NGLY1: variants seen among roughly 807,000 people sequenced by gnomAD.
The protein encoded by NGLY1 is N-glycanase 1, also known as peptide-N(4)-(N-acetyl-beta-glucosaminyl)asparagine amidase.
Under a neutral mutation model 84.6 loss-of-function variants are expected in NGLY1, and 68 were observed. The observed-to-expected ratio is 0.80, with a 90% CI of 0.66 to 0.98. NGLY1 has a LOEUF of 0.98. Ranked by LOEUF, NGLY1 falls within the 50% of genes least tolerant of loss-of-function variation. The pLI is 0.00. For synonymous variants in NGLY1, 280 were observed against 275.2 expected (o/e 1.02, Z -0.17); for missense variants, 779 against 770.2 (o/e 1.01, Z -0.14).
chr3:25,770,657 AG>A (rs1707847065), intron 2 of NGLY1, among the ~76,000 whole-genome samples: 2 of 152,190 alleles, frequency 1.3e-5, no homozygotes, highest in African/African-American at 4.8e-5. Context: ...TGTTTTCCAT[AG>A]GGGTCATACT....
At chr3:25,746,163 CTG>C (rs1706415801) in intron 4 of NGLY1, among the ~76,000 whole-genome samples, 1 of 152,172 alleles carries the variant, frequency 6.6e-6, no homozygotes, top group African/African-American at 2.4e-5. Flanking sequence ...CACAGTCTAA[CTG>C]TATTATTCAT....
chr3:25,769,354 C>A (rs1013249179), intron 2 of NGLY1, among the ~76,000 whole-genome samples: 3 of 151,854 alleles, frequency 2.0e-5, no homozygotes, highest in African/African-American at 7.3e-5. Context: ...AAGTGGGACT[C>A]CATTTCAAAA....
At chr3:25,770,999 T>C (rs1707867939) in intron 2 of NGLY1, among the ~76,000 whole-genome samples, 2 of 152,198 alleles carry the variant, frequency 1.3e-5, no homozygotes, top group African/African-American at 4.8e-5. Context: ...CTGTGGGTTG[T>C]CTGTTAACTC....
Position 25,783,352 on chromosome 3 carries a change from C to A in NGLY1, c.39G>T (p.Ala13=). 1 of 1,570,518 alleles carries A rather than the reference C, an allele frequency of 6.4e-7. No individual in the cohort carries two copies. The highest frequency in any genetic ancestry group is 8.6e-7 in the Non-Finnish European group (1 of 1,160,030). Residue 13 remains alanine (A), a synonymous_variant, in exon 1 of 12, where the codon GCG becomes GCT. Coordinates refer to ENST00000280700, the MANE Select transcript of NGLY1 (RefSeq NM_018297.4). This position sits in a 1 kb window ranked among gnomAD's most constrained non-coding sequence, Gnocchi z 4.5. ...AAALGSSSGS[A]SPAVAELCQN... ...GGCAGAGCTCAGCCACGGCCGGGGA[C>A]GCCGAGCCTGAGGAGCTGCCCAATG...
chr3:25,783,474 G>T (rs1051800084), upstream of NGLY1: 6 of 1,326,246 alleles, frequency 4.5e-6, no homozygotes, highest in Middle Eastern at 5.7e-4. This position sits in a 1 kb window ranked among gnomAD's most constrained non-coding sequence, Gnocchi z 4.5. Flanking sequence ...AGCAGCTACC[G>T]CAGCCACCGG....
chr3:25,776,216 G>C (rs79826572), intron 2 of NGLY1, among the ~76,000 whole-genome samples: 2 of 152,168 alleles, frequency 1.3e-5, no homozygotes, highest in South Asian at 2.1e-4. Flanking sequence ...CTGAGACCGA[G>C]GGGTTTTCTG....
intron 4 of NGLY1, among the ~76,000 whole-genome samples, chr3:25,750,760 T>C (rs1706696336): frequency 6.6e-6 from 1 of 152,190 alleles, no homozygotes; most frequent in South Asian, 2.1e-4. Context: ...TAAGTATTTA[T>C]AATGTATAAC....
chr3:25,781,678 C>G (rs1708426492), intron 1 of NGLY1, among the ~76,000 whole-genome samples: 1 of 152,172 alleles, frequency 6.6e-6, no homozygotes, highest in African/African-American at 2.4e-5. Flanking sequence ...GCCTCATCAA[C>G]AAGAGCAAAC....
chr3:25,736,267 A>C, intron 6 of NGLY1, 118 bp from the exon 7 acceptor site: 3 of 1,550,364 alleles, frequency 1.9e-6, no homozygotes, highest in Non-Finnish European at 2.6e-6. Flanking sequence ...TCTGAATTTC[A>C]GTTAATAAGT....
chr3:25,726,164 C>T (rs1028590491), intron 10 of NGLY1, among the ~76,000 whole-genome samples: 1 of 151,516 alleles, frequency 6.6e-6, no homozygotes, highest in Non-Finnish European at 1.5e-5. Context: ...CCAAAGGACA[C>T]TCAACAAAGT....
At chr3:25,727,142 T>C (rs1352884812) in intron 10 of NGLY1, among the ~76,000 whole-genome samples, 2 of 152,196 alleles carry the variant, frequency 1.3e-5, no homozygotes, top group Non-Finnish European at 2.9e-5. Context: ...AATACTTAAG[T>C]TATAACGACA....
intron 2 of NGLY1, among the ~76,000 whole-genome samples, chr3:25,771,563 G>T (rs1205408465): frequency 6.6e-6 from 1 of 152,054 alleles, no homozygotes; most frequent in Admixed American, 6.6e-5. Flanking sequence ...CTAGTTTTAT[G>T]GAGAATGATG....
intron 3 of NGLY1, among the ~76,000 whole-genome samples, chr3:25,761,779 A>G (rs1179160645): frequency 6.6e-6 from 1 of 152,316 alleles, no homozygotes; most frequent in South Asian, 2.1e-4. Context: ...AGCATTATTC[A>G]TAATAGGCAA....
At chr3:25,769,750 A>C (rs1707805227) in intron 2 of NGLY1, among the ~76,000 whole-genome samples, 1 of 152,130 alleles carries the variant, frequency 6.6e-6, no homozygotes, top group Non-Finnish European at 1.5e-5. Context: ...TTTTAAAAAA[A>C]ATTCTTATGC....
chr3:25,769,744 A>T lies in NGLY1; in HGVS notation c.247-5433T>A, dbSNP rs191431046. Among the ~76,000 whole-genome samples the T allele has an allele frequency of 3.0e-3, 452 of 152,232 alleles. 2 individuals carry two copies. Among genetic ancestry groups the T allele is most frequent in the Non-Finnish European group, 4.6e-3 (310 of 68,012 alleles). On this transcript the variant is annotated intron_variant, in intron 2 of 11. Coordinates refer to ENST00000280700, the MANE Select transcript of NGLY1 (RefSeq NM_018297.4). ...ATTTTTTAATGATCTTTAATTTTTT[A>T]AAAAAAATTCTTATGCTTAATTTTT...
In NGLY1 at chr3:25,741,109, C is replaced by T. The variant is rs1386910038; in HGVS notation, c.659-1310G>A. ...TGCCATTGCACTCCAGCCTGAGTGA[C>T]AGAGCGAAACTCTGTCTCATTAAAA... On this transcript the variant is annotated intron_variant, in intron 4 of 11. Transcript: ENST00000280700. 2.3e-5 allele frequency among the ~76,000 whole-genome samples: 3 copies of T among 132,548 alleles called. No individual in the cohort carries two copies. In the East Asian group the frequency reaches 6.7e-4, roughly 30 times the overall value. 87.0% of individuals were successfully genotyped at this position (132,548 alleles called of 152,430 possible). A position where few individuals can be genotyped will look rare whatever the true frequency, so the allele number is the denominator to read the frequency against.
chr3:25,758,614 T>G (rs1707157720), intron 3 of NGLY1, among the ~76,000 whole-genome samples: 1 of 152,162 alleles, frequency 6.6e-6, no homozygotes, highest in South Asian at 2.1e-4. Context: ...TTAAACATAT[T>G]ATTTACTATT....
chr3:25,789,307 G>C (rs769875675), intron 1 of NGLY1, among the ~76,000 whole-genome samples: 5 of 151,962 alleles, frequency 3.3e-5, no homozygotes, highest in Non-Finnish European at 7.4e-5. Context: ...TTAAGTGAAA[G>C]GAAGTTTATT....
rs1440956965 is a variant in NGLY1 at position 25,739,709 on chromosome 3, C to A, written c.749G>T (p.Cys250Phe). The change falls in exon 5 of 12, where the codon TGC (cysteine) becomes TTC (phenylalanine). Residue 250 changes from cysteine to phenylalanine, a missense_variant. Physicochemically the swap from Cys to Phe is radical, Grantham distance 205. Transcript: ENST00000280700. ...EFFHWVNNVL[C>F]SKCGGQTRSR... ...CCTAGTCTGTCCACCACATTTGCTG[C>A]ACAAAACGTTATTCACCCAGTGAAA... The A allele has an allele frequency of 6.2e-7, 1 of 1,614,072 alleles. No individual in the cohort carries two copies. Among genetic ancestry groups the A allele is most frequent in the Admixed American group, 1.7e-5 (1 of 60,020 alleles).
Sources: allele counts gnomAD v4.1 joint callset (sites outside exome capture counted in the v4.1 genomes callset), GRCh38; gene constraint gnomAD v4.1.1; non-coding constraint Gnocchi (gnomAD v3.1); transcripts MANE v1.5; gene names NCBI Gene and HGNC (gene_info 2026-07-23, HGNC 2026-07-21).